The following CIP2A variants were observed in gnomAD, a reference collection of about 807,000 sequenced individuals.
CIP2A encodes protein CIP2A.
In CIP2A, 103 loss-of-function variants were observed where a neutral mutation model predicts 110.9. The ratio of observed to expected loss-of-function variants is 0.93; its 90% confidence interval spans 0.79 to 1.09. The LOEUF (loss-of-function observed/expected upper bound fraction) is 1.09. Ranked by LOEUF, CIP2A falls within the 50% of genes least tolerant of loss-of-function variation. The probability of loss-of-function intolerance (pLI) is 0.00; values close to 1 mark genes in which losing one functional copy is unlikely to be tolerated. For synonymous variants in CIP2A, 381 were observed against 361.6 expected, an observed-to-expected ratio of 1.05 and a Z score of -0.61; for missense variants, 1,088 against 1,038.4, an observed-to-expected ratio of 1.05 and a Z score of -0.66.
intron 13 of CIP2A, among the ~76,000 whole-genome samples, chr3:108,561,045 A>T (rs1284273279): frequency 6.6e-6 from 1 of 152,172 alleles, no homozygotes; most frequent in Non-Finnish European, 1.5e-5. Context: ...CTAACCTTTT[A>T]TAATGACAGC....
Position 108,581,501 on chromosome 3 carries a change from C to A in CIP2A, c.463G>T (p.Glu155Ter), listed in dbSNP as rs138065901. 171 of 1,605,080 alleles carry A rather than the reference C, an allele frequency of 1.1e-4. No individual in the cohort carries two copies. The African/African-American group carries it at 2.1e-3, about 20-fold the overall frequency. Reference sequence around the variant, plus strand: ...AGACAAGGCATTTTTAACTCATCTTCAGAAGATTGACTGTTGTTTTACATT... The same window carrying A: ...AGACAAGGCATTTTTAACTCATCTTAAGAAGATTGACTGTTGTTTTACATT... ...TFLIDHIQSS[E>*]DELKMPCLGL... The change falls in exon 5 of 21, where the codon GAA becomes TAA. Residue 155 changes from glutamate to a stop codon, truncating the protein, a stop_gained. Coordinates refer to ENST00000295746, the MANE Select transcript of CIP2A (RefSeq NM_020890.3). LOFTEE classifies it high-confidence loss of function.
Position 108,579,274 on chromosome 3 carries a change from G to A in CIP2A, c.818+7C>T. The stretch of plus-strand genomic sequence containing the variant: ...AAAGTTCTAAAATTGACTGAAGTGA[G>A]TCATACCTGGTGAGATAATCAGCAA... On this transcript the variant is annotated splice_region_variant and intron_variant, in intron 7 of 20. Transcript: ENST00000295746. 1.2e-6 allele frequency: 2 copies of A among 1,600,416 alleles called. No homozygotes were observed. Among genetic ancestry groups the A allele is most frequent in the Non-Finnish European group, 1.7e-6 (2 of 1,171,050 alleles).
rs768755726 is a variant in CIP2A at position 108,585,047 on chromosome 3, A to G, written c.250+18T>C. 6.3e-7 allele frequency: 1 copy of G among 1,595,172 alleles called. No individual in the cohort carries two copies. The highest frequency in any genetic ancestry group is 8.5e-7 in the Non-Finnish European group (1 of 1,171,650). ...ATACATCTTCCAAAAACTAAAAAGG[A>G]GAAATTAAATGCATTACCTAGTTGA... On this transcript the variant is annotated intron_variant, in intron 2 of 20. Coordinates refer to ENST00000295746, the MANE Select transcript of CIP2A (RefSeq NM_020890.3).
rs1028627172 is a variant in CIP2A, at chr3:108,552,257, T to A, written c.2524A>T (p.Ile842Leu). The A allele has an allele frequency of 6.4e-7, 1 of 1,564,872 alleles. No individual in the cohort carries two copies. The highest frequency in any genetic ancestry group is 8.6e-7 in the Non-Finnish European group (1 of 1,159,270). ...ACCTTAATGCTCAACTCTTTTCTTA[T>A]CTGTTCTGTTCTGCTTAATTCTTTT... ...LRKELSRTEQ[I>L]RKELSIKASS... The change falls in exon 20 of 21, where the codon ATA becomes TTA. Residue 842 changes from isoleucine to leucine, a missense_variant. By Grantham distance (5) the Ile-to-Leu change is conservative (BLOSUM62 2). Transcript: ENST00000295746.
chr3:108,553,579 C>G, intron 19 of CIP2A, 69 bp downstream of exon 19: 1 of 1,355,126 alleles, frequency 7.4e-7, no homozygotes, highest in East Asian at 2.6e-5. Context: ...AAAAAGCAAA[C>G]AAAACCACTC....
In CIP2A at chr3:108,581,426, T is replaced by C. The variant is rs776408825; in HGVS notation, c.538A>G (p.Ile180Val). 79 of 1,608,636 alleles carry C rather than the reference T, an allele frequency of 4.9e-5. No individual in the cohort carries two copies. The highest frequency in any genetic ancestry group is 6.3e-5 in the Non-Finnish European group (74 of 1,175,614). ...AATAAACTTCTTACCAATGTCTTTA[T>C]GTGCGTTTGAACAGAAAGATTGTGC... ...CRHNLSVQTH[I>V]KTLSNVKSFY... Residue 180 changes from isoleucine (I) to valine (V), a missense_variant, in exon 5 of 21, where the codon ATA becomes GTA. Ile to Val is a conservative substitution (Grantham distance 29). Transcript: ENST00000295746.
At chr3:108,559,502 A>C (rs1173223172) in intron 16 of CIP2A, among the ~76,000 whole-genome samples, 2 of 152,158 alleles carry the variant, frequency 1.3e-5, no homozygotes, top group Non-Finnish European at 2.9e-5. Context: ...AAGGTTTAGA[A>C]TATAAGTCCC....
Position 108,576,332 on chromosome 3 carries a change from GA to G in CIP2A, c.832del (p.Ser278LeufsTer8). 1 of 1,548,948 alleles carries G rather than the reference GA, an allele frequency of 6.5e-7. No individual in the cohort carries two copies. Among genetic ancestry groups the G allele is most frequent in the Non-Finnish European group, 8.8e-7 (1 of 1,140,132 alleles). The part of the protein sequence containing the change: ...ADYLTRYEHF[S>X]SCLHQVLGLL... ...ACCTAATACTTGGTGAAGACATGAA[GA>G]AAAGTGCTCATATCTAGGTTTAGAA... is the stretch of plus-strand genomic sequence containing the variant. On this transcript the variant is annotated frameshift_variant, in exon 8 of 21. Coordinates refer to ENST00000295746, the MANE Select transcript of CIP2A (RefSeq NM_020890.3). LOFTEE classifies it high-confidence loss of function.
At chr3:108,578,183 T>A (rs772524729) in intron 7 of CIP2A, among the ~76,000 whole-genome samples, 1 of 152,238 alleles carries the variant, frequency 6.6e-6, no homozygotes. Flanking sequence ...TTAAGCTACC[T>A]CTTATTAATG....
intron 9 of CIP2A, among the ~76,000 whole-genome samples, chr3:108,568,852 C>G (rs954598135): frequency 6.6e-6 from 1 of 151,892 alleles, no homozygotes; most frequent in South Asian, 2.1e-4. Context: ...AAGGGAAATA[C>G]TTTCAGGAGA....
rs1216179223 is a variant in CIP2A, at chr3:108,581,469, TA to T, written c.494del (p.Leu165TyrfsTer16). 2 of 1,613,372 alleles carry T rather than the reference TA, an allele frequency of 1.2e-6. No individual in the cohort carries two copies. The highest frequency in any genetic ancestry group is 2.2e-5 in the South Asian group (2 of 91,012). On this transcript the variant is annotated frameshift_variant, in exon 5 of 21. Transcript: ENST00000295746. LOFTEE classifies it high-confidence loss of function. ...EDELKMPCLG[L>X]LANLCRHNLS... ...GATTGTGCCGACAAAGATTTGCCAA[TA>T]ATCCTAGACAAGGCATTTTTAACTC...
At chr3:108,552,475 A>T (rs1937619657) in intron 19 of CIP2A, 102 bp from the exon 20 acceptor site, 1 of 632,898 alleles carries the variant, frequency 1.6e-6, no homozygotes, top group Non-Finnish European at 2.5e-6. Context: ...AATAACTAGA[A>T]CAAGGAAGAG....
chr3:108,571,112 A>G (rs1269278744), intron 8 of CIP2A, among the ~76,000 whole-genome samples: 1 of 152,174 alleles, frequency 6.6e-6, no homozygotes, highest in Non-Finnish European at 1.5e-5. Context: ...CTTCAGGGGC[A>G]GTAACACACA....
In CIP2A at chr3:108,557,280, C is replaced by G. The variant is rs559223196; in HGVS notation, c.2148G>C (p.Lys716Asn). ...DIEHLFQHNR[K>N]LESVAEEHEI... ...CATGTTCTTCAGCCACAGACTCTAA[C>G]TTCCTATTATGTTGAAAGAGATGCT... The change falls in exon 17 of 21, where the codon AAG (lysine) becomes AAC (asparagine). Residue 716 changes from lysine (K) to asparagine (N), a missense_variant. Transcript: ENST00000295746. 1.7e-5 allele frequency: 27 copies of G among 1,610,076 alleles called. No homozygotes were observed. Among genetic ancestry groups the G allele is most frequent in the Non-Finnish European group, 2.2e-5 (26 of 1,177,398 alleles).
At chr3:108,570,385 C>T (rs1938347631) in intron 8 of CIP2A, among the ~76,000 whole-genome samples, 1 of 152,068 alleles carries the variant, frequency 6.6e-6, no homozygotes, top group Non-Finnish European at 1.5e-5. Context: ...AAATGATAAT[C>T]TTTAATAAAC....
chr3:108,566,443 A>T, intron 11 of CIP2A, 54 bp downstream of exon 11: 1 of 1,443,824 alleles, frequency 6.9e-7, no homozygotes, highest in Non-Finnish European at 9.5e-7. Flanking sequence ...GAATCACCAC[A>T]TCTTTCGATT....
chr3:108,575,321 T>C (rs983414550), intron 8 of CIP2A, among the ~76,000 whole-genome samples: 1 of 150,860 alleles, frequency 6.6e-6, no homozygotes, highest in Non-Finnish European at 1.5e-5. Flanking sequence ...CACGTGCATG[T>C]ACACACACGT....
chr3:108,559,901 G>C (rs200870771), intron 15 of CIP2A, 34 bp from the exon 16 acceptor site: 2 of 1,580,496 alleles, frequency 1.3e-6, no homozygotes, highest in African/African-American at 2.7e-5. Context: ...TTTCATTTTA[G>C]GAATACATCT....
rs1938578950 is a variant in CIP2A, at chr3:108,575,604, A to G, written c.894+667T>C. Among the ~76,000 whole-genome samples the G allele has an allele frequency of 1.4e-5, 2 of 146,560 alleles. 1 individual carries two copies. Among genetic ancestry groups the G allele is most frequent in the Non-Finnish European group, 3.0e-5 (2 of 66,966 alleles). ...TACATGTGTATATATACGTGTATAT[A>G]TACTCATATACATGTGTATATATAC... On this transcript the variant is annotated intron_variant, in intron 8 of 20. Transcript: ENST00000295746.
Sources: gnomAD v4.1 joint callset for allele counts (sites outside exome capture counted in the v4.1 genomes callset) on GRCh38, gnomAD v4.1.1 for gene constraint, MANE v1.5 for transcripts, NCBI Gene and HGNC (gene_info 2026-07-23, HGNC 2026-07-21) for gene names.